Variants in ZNF33B observed in about 807,000 individuals in gnomAD.
ZNF33B encodes the protein zinc finger protein 33B.
A neutral mutation model predicts 45.8 loss-of-function variants in ZNF33B; 29 were observed. The ratio of observed to expected loss-of-function variants is 0.63; its 90% CI spans 0.47 to 0.86. ZNF33B has a LOEUF of 0.86. ZNF33B is among the 40% of genes least tolerant of loss of function. ZNF33B has a pLI of 0.00. For missense variants in ZNF33B, 831 were observed against 909.9 expected, an observed-to-expected ratio of 0.91 and a Z score of 1.12; for synonymous variants, 305 against 307.8, an observed-to-expected ratio of 0.99 and a Z score of 0.10.
chr10:42,601,851 T>C (rs1837636067), intron 4 of ZNF33B, among the ~76,000 whole-genome samples: 1 of 151,416 alleles, frequency 6.6e-6, no homozygotes, highest in African/African-American at 2.4e-5. Context: ...TTAAGTTCAA[T>C]AATCTTATTC....
chr10:42,613,722 G>A (rs1212763538), intron 4 of ZNF33B, among the ~76,000 whole-genome samples: 1 of 152,196 alleles, frequency 6.6e-6, no homozygotes, highest in African/African-American at 2.4e-5. Flanking sequence ...GAGAGATACA[G>A]ATGGTTACAT....
chr10:42,607,162 A>G (rs1233514552), intron 4 of ZNF33B, among the ~76,000 whole-genome samples: 5 of 152,164 alleles, frequency 3.3e-5, no homozygotes, highest in Non-Finnish European at 4.4e-5. Flanking sequence ...TATATAGGTA[A>G]TGTTTCTGTA....
At chr10:42,588,545 T>C (rs1285161987), downstream of ZNF33B, among the ~76,000 whole-genome samples, 18 of 152,168 alleles carry the variant, frequency 1.2e-4, no homozygotes, top group Admixed American at 7.9e-4. Flanking sequence ...TATAGAAAGG[T>C]TGAACACTGA....
chr10:42,598,646 C>T (rs1454966683), intron 4 of ZNF33B, among the ~76,000 whole-genome samples: 1 of 152,192 alleles, frequency 6.6e-6, no homozygotes, highest in African/African-American at 2.4e-5. Context: ...AGTGTAGCAA[C>T]GTGTGACTGC....
At chr10:42,630,347 C>T (rs927478798) in intron 4 of ZNF33B, among the ~76,000 whole-genome samples, 2 of 152,074 alleles carry the variant, frequency 1.3e-5, no homozygotes, top group African/African-American at 4.8e-5. Flanking sequence ...ACAGTCATTC[C>T]CTGCAGGGAA....
chr10:42,586,335 G>C (rs559130186), downstream of ZNF33B, among the ~76,000 whole-genome samples: 1 of 152,124 alleles, frequency 6.6e-6, no homozygotes, highest in East Asian at 1.9e-4. Context: ...ATTTTTAGTA[G>C]AGACGGGGTT....
chr10:42,593,395 G>C lies in ZNF33B; in HGVS notation c.1555C>G (p.His519Asp), dbSNP rs757918216. 1 of 1,613,942 alleles carries C rather than the reference G, an allele frequency of 6.2e-7. No homozygotes were observed. The highest frequency in any genetic ancestry group is 8.5e-7 in the Non-Finnish European group (1 of 1,179,960). The change falls in exon 5 of 5, where the codon CAT (histidine) becomes GAT (aspartate). Residue 519 changes from histidine (H) to aspartate (D), a missense_variant. Coordinates refer to ENST00000359467, the MANE Select transcript of ZNF33B (RefSeq NM_006955.3). Reference sequence around the variant, plus strand: ...CATTCATAAGGTTTCAACCCTGTATGAATTATCTGATGCCTGGTGAGTACT... The same window carrying C: ...CATTCATAAGGTTTCAACCCTGTATCAATTATCTGATGCCTGGTGAGTACT... ...KSVLTRHQII[H>D]TGLKPYECYE...
chr10:42,594,241 G>A lies in ZNF33B; in HGVS notation c.709C>T (p.Arg237Trp), dbSNP rs140101376. Residue 237 changes from arginine to tryptophan, a missense_variant, in exon 5 of 5, where the codon CGG becomes TGG. Arg to Trp is a moderately radical substitution (Grantham distance 101, BLOSUM62 -3). Transcript: ENST00000359467. ...TTCTCTTCTGCATTCTCTCTCTTCC[G>A]TGTATTGAATACTGCCTTTTCAAGG... Reference protein sequence around the residue: ...TLLEKAVFNTRKRENAEENNC... With the variant: ...TLLEKAVFNTWKRENAEENNC... The A allele has an allele frequency of 8.0e-5, 129 of 1,613,642 alleles. No individual in the cohort carries two copies. The highest frequency in any genetic ancestry group is 4.1e-4 in the African/African-American group (31 of 74,982).
At chr10:42,608,862 T>C (rs548528865) in intron 4 of ZNF33B, among the ~76,000 whole-genome samples, 1 of 146,568 alleles carries the variant, frequency 6.8e-6, no homozygotes, top group South Asian at 2.1e-4. Flanking sequence ...TATACAAACC[T>C]CTAATTAGAC....
chr10:42,627,313 A>T (rs1345076450), intron 4 of ZNF33B, among the ~76,000 whole-genome samples: 2 of 152,198 alleles, frequency 1.3e-5, no homozygotes, highest in African/African-American at 4.8e-5. Flanking sequence ...CTATGTTGTC[A>T]TATTTATGAA....
At position 42,638,509 on chromosome 10, in the gene ZNF33B, AG is replaced by A. The variant is rs1286566667; in HGVS notation, c.-81del. On this transcript the variant is annotated 5_prime_UTR_variant, in exon 1 of 5. Coordinates refer to ENST00000359467, the MANE Select transcript of ZNF33B (RefSeq NM_006955.3). ...CTTCGGGTTGCATTCGCCATAAGAG[AG>A]CCGGTAGACCCCTGAAATCCCGGGA... is the stretch of plus-strand genomic sequence containing the variant. The A allele has an allele frequency of 4.1e-6, 2 of 482,228 alleles. No homozygotes were observed. The highest frequency in any genetic ancestry group is 3.0e-5 in the South Asian group (2 of 67,392). 29.9% of individuals were successfully genotyped at this position (482,228 alleles called of 1,614,324 possible). A position where few individuals can be genotyped will look rare whatever the true frequency, so the allele number is the denominator to read the frequency against.
Position 42,593,282 on chromosome 10 carries a change from A to G in ZNF33B, c.1668T>C (p.Pro556=), listed in dbSNP as rs1386208347. 1.2e-6 allele frequency: 2 copies of G among 1,613,948 alleles called. No individual in the cohort carries two copies. The highest frequency in any genetic ancestry group is 1.7e-5 in the Admixed American group (1 of 59,992). The change falls in exon 5 of 5, where the codon CCT becomes CCC. Residue 556 remains proline, a synonymous_variant. Transcript: ENST00000359467. ...THTGEKPFAC[P]ECGKFFSHKS... is the part of the protein sequence containing the mutation. ...TATGGCTAAAGAATTTCCCACATTC[A>G]GGACATGCAAAGGGTTTCTCCCCTG... is the stretch of plus-strand genomic sequence containing the variant.
chr10:42,580,906 T>C (rs1187445293), intron 1 of ZNF33B, among the ~76,000 whole-genome samples: 1 of 151,192 alleles, frequency 6.6e-6, no homozygotes, highest in Non-Finnish European at 1.5e-5. Flanking sequence ...AATAAATAAA[T>C]AAATAAATAA....
Position 42,632,287 on chromosome 10 carries a change from G to C in ZNF33B, c.154+8C>G, listed in dbSNP as rs761586658. ...GCTATTTAGAATGATACAGTGAACA[G>C]ACCTTACCCACTGAGACAAGGTTGC... On this transcript the variant is annotated splice_region_variant and intron_variant, in intron 3 of 4. Transcript: ENST00000359467. The C allele has an allele frequency of 7.5e-6, 12 of 1,598,002 alleles. No homozygotes were observed. In the Admixed American group the frequency reaches 2.0e-4, roughly 27 times the overall value.
Position 42,613,819 on chromosome 10 carries a change from C to G in ZNF33B, c.250+18110G>C, listed in dbSNP as rs1299258549. Among the ~76,000 whole-genome samples, 3 of 152,214 alleles carry G rather than the reference C, an allele frequency of 2.0e-5. No homozygotes were observed. In the East Asian group the frequency reaches 5.8e-4, roughly 29 times the overall value. On this transcript the variant is annotated intron_variant, in intron 4 of 4. Transcript: ENST00000359467. ...CAGCTGAGACAGCCACACCCTACTGCTGTAAGCACACCATTAGCCCCTATC... is the reference window on the plus strand; with the variant it reads ...CAGCTGAGACAGCCACACCCTACTGGTGTAAGCACACCATTAGCCCCTATC...
At chr10:42,595,592 TTAAC>T (rs1162057367) in intron 4 of ZNF33B, among the ~76,000 whole-genome samples, 1 of 152,100 alleles carries the variant, frequency 6.6e-6, no homozygotes, top group African/African-American at 2.4e-5. Flanking sequence ...TTTAAGGAGA[TTAAC>T]TAAGGTTTAA....
At chr10:42,637,035 C>A (rs747276481) in intron 1 of ZNF33B, 63 bp from the exon 2 acceptor site, 3 of 1,554,892 alleles carry the variant, frequency 1.9e-6, no homozygotes, top group African/African-American at 2.7e-5. Context: ...CTCCCGGATT[C>A]TTCTGCCCTA....
chr10:42,595,717 G>A (rs1371447356), intron 4 of ZNF33B, among the ~76,000 whole-genome samples: 1 of 152,098 alleles, frequency 6.6e-6, no homozygotes, highest in Non-Finnish European at 1.5e-5. Context: ...CACCACACCC[G>A]ACCACTGGTC....
chr10:42,636,640 G>T (rs1392489076), intron 2 of ZNF33B, among the ~76,000 whole-genome samples: 1 of 152,148 alleles, frequency 6.6e-6, no homozygotes, highest in Non-Finnish European at 1.5e-5. Flanking sequence ...AGGGCAACAC[G>T]GTGAACACAT....
Sources: allele counts gnomAD v4.1 joint callset (sites outside exome capture counted in the v4.1 genomes callset), GRCh38; gene constraint gnomAD v4.1.1; transcripts MANE v1.5; gene names NCBI Gene and HGNC (gene_info 2026-07-23, HGNC 2026-07-21).